The following LIG1 variants were observed in gnomAD, a reference collection of about 807,000 sequenced individuals.
The protein encoded by LIG1 is DNA ligase 1, also known as ligase I, DNA, ATP-dependent.
LIG1 carries 70 observed loss-of-function variants against 115.7 expected under a neutral mutation model. The observed-to-expected ratio is 0.60, with a 90% CI of 0.50 to 0.74. The LOEUF (loss-of-function observed/expected upper bound fraction) is 0.74. Among genes scored for constraint, LIG1 ranks in the 30% least tolerant of loss-of-function variants. LIG1 has a pLI of 0.00. For synonymous variants in LIG1, 487 were observed against 495.3 expected, an observed-to-expected ratio of 0.98 and a Z score of 0.22; for missense variants, 1,115 against 1,225.6, an observed-to-expected ratio of 0.91 and a Z score of 1.35.
At chr19:48,151,523 G>T (rs776015370) in intron 6 of LIG1, 184 bp from the exon 7 acceptor site, 11 of 515,296 alleles carry the variant, frequency 2.1e-5, no homozygotes, top group Non-Finnish European at 3.6e-5. Context: ...TCTGCCTCCT[G>T]GGTTCATGCG....
intron 25 of LIG1, 27 bp from the exon 26 acceptor site, chr19:48,117,808 C>T: frequency 6.2e-7 from 1 of 1,609,816 alleles, no homozygotes; most frequent in African/African-American, 1.3e-5. Context: ...AAGAGAGGAA[C>T]AGAGGGTCTG....
chr19:48,146,222 T>G (rs1227020672), intron 9 of LIG1: 2 of 152,298 alleles, frequency 1.3e-5, no homozygotes, highest in African/African-American at 4.8e-5. Flanking sequence ...AAAGCAGTCA[T>G]GCCTGGCGTG....
At chr19:48,135,845 G>A (rs1271018847) in intron 15 of LIG1, 66 bp from the exon 16 acceptor site, 18 of 1,435,296 alleles carry the variant, frequency 1.3e-5, no homozygotes, top group African/African-American at 2.8e-5. Flanking sequence ...GGGTGCAGTG[G>A]GTGGTTTGCT....
chr19:48,124,959 G>A (rs2033565071), intron 21 of LIG1, among the ~76,000 whole-genome samples: 1 of 150,706 alleles, frequency 6.6e-6, no homozygotes, highest in Non-Finnish European at 1.5e-5. Context: ...AGGCTGCAGT[G>A]AGCCAAGATC....
chr19:48,115,473 A>G lies in LIG1; in HGVS notation c.*176T>C. On this transcript the variant is annotated 3_prime_UTR_variant, in exon 28 of 28. Coordinates refer to ENST00000263274, the MANE Select transcript of LIG1 (RefSeq NM_000234.3). ...CTATCCAATAATTATTTATTGAAAG[A>G]AATGACGGGATGAATCCCAGACTCC... 1 of 630,794 alleles carries G rather than the reference A, an allele frequency of 1.6e-6. No individual in the cohort carries two copies. 39.1% of individuals were successfully genotyped at this position (630,794 alleles called of 1,614,324 possible). A position where few individuals can be genotyped will look rare whatever the true frequency, so the allele number is the denominator to read the frequency against.
At chr19:48,127,236 G>T in intron 21 of LIG1, 41 bp downstream of exon 21, 1 of 1,546,224 alleles carries the variant, frequency 6.5e-7, no homozygotes, top group Non-Finnish European at 8.9e-7. Flanking sequence ...ACCCCACCCC[G>T]TCACCCCTCA....
At chr19:48,116,595 C>T (rs774481157) in intron 26 of LIG1, among the ~76,000 whole-genome samples, 15 of 152,132 alleles carry the variant, frequency 9.9e-5, no homozygotes, top group South Asian at 2.1e-4. Flanking sequence ...TCAGGAGCCG[C>T]GTGATGCAGG....
rs3731008 is a variant in LIG1 at position 48,123,293 on chromosome 19, C to A, written c.2030G>T (p.Arg677Leu). ...GTTCTCCCGGAGCAGCTGCCGGCGC[C>A]GGGAAAGGGGCTCACGTACCAGGGA... ...GESLVREPLS[R>L]RRQLLRENFV... Residue 677 changes from arginine to leucine, a missense_variant, in exon 22 of 28, where the codon CGG becomes CTG. By Grantham distance (102) the Arg-to-Leu change is moderately radical. Coordinates refer to ENST00000263274, the MANE Select transcript of LIG1 (RefSeq NM_000234.3). 7.6e-4 allele frequency: 1,232 copies of A among 1,613,744 alleles called. 13 individuals carry two copies. The African/African-American group carries it at 0.014, about 19-fold the overall frequency.
Position 48,131,064 on chromosome 19 carries a change from G to T in LIG1, c.1821+12C>A. On this transcript the variant is annotated intron_variant, in intron 19 of 27. Transcript: ENST00000263274. ...GACCCTGGCAGAGTGCAAGTGTGTG[G>T]CAGACGCCCACCTTGGGGATGCGGC... 6.2e-7 allele frequency: 1 copy of T among 1,609,764 alleles called. No homozygotes were observed. The highest frequency in any genetic ancestry group is 1.1e-5 in the South Asian group (1 of 90,996).
chr19:48,157,208 A>C, intron 4 of LIG1, 68 bp from the exon 5 acceptor site: 1 of 1,519,224 alleles, frequency 6.6e-7, no homozygotes, highest in South Asian at 1.2e-5. Flanking sequence ...AAAAGTTGAG[A>C]GTAGAGGGGA....
At chr19:48,138,338 CT>C (rs1353691880) in intron 12 of LIG1, among the ~76,000 whole-genome samples, 1 of 152,202 alleles carries the variant, frequency 6.6e-6, no homozygotes, top group Non-Finnish European at 1.5e-5. Flanking sequence ...ATAACATAAC[CT>C]GCCTACACCT....
At chr19:48,129,132 A>G (rs1433382065) in intron 19 of LIG1, among the ~76,000 whole-genome samples, 1 of 152,034 alleles carries the variant, frequency 6.6e-6, no homozygotes, top group Non-Finnish European at 1.5e-5. Flanking sequence ...CGCTCAGTGC[A>G]GCCTCTGCCT....
chr19:48,134,992 GC>G (rs1265317637), intron 16 of LIG1, among the ~76,000 whole-genome samples: 6 of 152,338 alleles, frequency 3.9e-5, no homozygotes, highest in Non-Finnish European at 7.3e-5. Context: ...AGCCCTCGTG[GC>G]CGCTCCACGG....
chr19:48,117,810 G>A, intron 25 of LIG1, 29 bp from the exon 26 acceptor site: 1 of 1,609,368 alleles, frequency 6.2e-7, no homozygotes, highest in Middle Eastern at 1.7e-4. Context: ...GAGAGGAACA[G>A]AGGGTCTGGA....
chr19:48,166,450 C>T (rs1476062416), intron 1 of LIG1, among the ~76,000 whole-genome samples: 1 of 152,136 alleles, frequency 6.6e-6, no homozygotes, highest in Admixed American at 6.6e-5. Flanking sequence ...TGTATATGTA[C>T]AGAACATCTC....
chr19:48,156,938 CA>C (rs370802542), intron 5 of LIG1, 75 bp downstream of exon 5: 99,822 of 604,088 alleles, frequency 0.17, 184 homozygotes, highest in Middle Eastern at 0.19. Flanking sequence ...GACTATGTCT[CA>C]AAAAAAAAAA....
At chr19:48,153,788 G>A in intron 6 of LIG1, 84 bp downstream of exon 6, 1 of 278,000 alleles carries the variant, frequency 3.6e-6, no homozygotes, top group South Asian at 2.6e-5. Flanking sequence ...CCTTCTGGGG[G>A]CTCACCTTCC....
intron 1 of LIG1, chr19:48,169,758 A>C (rs1469545002): frequency 2.1e-4 from 6 of 28,816 alleles, no homozygotes; most frequent in South Asian, 1.1e-3. Context: ...AGCCAGCCCC[A>C]CCCTTGGCAC....
rs527828089 is a variant in LIG1, at chr19:48,136,889, T to C, written c.1331+119A>G. ...CTTTAGGGGCTGGGCCTCCTGCTCA[T>C]GCTTTTCTCATCCAAGGATGGTCAG... On this transcript the variant is annotated intron_variant, in intron 14 of 27. Coordinates refer to ENST00000263274, the MANE Select transcript of LIG1 (RefSeq NM_000234.3). 3.7e-4 allele frequency: 311 copies of C among 840,232 alleles called. 1 individual carries two copies. In the African/African-American group the frequency reaches 4.6e-3, roughly 12 times the overall value. 52.0% of individuals were successfully genotyped at this position (840,232 alleles called of 1,614,324 possible).
Sources: allele counts gnomAD v4.1 joint callset (sites outside exome capture counted in the v4.1 genomes callset), GRCh38; gene constraint gnomAD v4.1.1; transcripts MANE v1.5; gene names NCBI Gene and HGNC (gene_info 2026-07-23, HGNC 2026-07-21).